Variants in SVEP1 observed in about 807,000 individuals in gnomAD.
SVEP1 encodes the protein sushi, von Willebrand factor type A, EGF and pentraxin domain-containing protein 1.
Under a neutral mutation model 367.3 loss-of-function variants are expected in SVEP1, and 164 were observed. That is an observed-to-expected ratio of 0.45 (90% confidence interval 0.39 to 0.51). SVEP1 has a LOEUF of 0.51. SVEP1 is among the 20% of genes least tolerant of loss of function. The pLI is 0.00. For synonymous variants in SVEP1, 1,666 were observed against 1,611.6 expected (o/e 1.03, Z -0.81); for missense variants, 4,117 against 4,425.3 (o/e 0.93, Z 1.98).
chr9:110,392,255 C>A (rs1339687125), intron 40 of SVEP1, among the ~76,000 whole-genome samples: 1 of 151,644 alleles, frequency 6.6e-6, no homozygotes, highest in Admixed American at 6.6e-5. Context: ...TCTATTTACT[C>A]CCCTCTGCCC....
chr9:110,452,223 GTT>G (rs1172106609), intron 22 of SVEP1, among the ~76,000 whole-genome samples: 1 of 152,042 alleles, frequency 6.6e-6, no homozygotes, highest in African/African-American at 2.4e-5. Context: ...ATGAACACTT[GTT>G]TTTTCACAGT....
intron 3 of SVEP1, among the ~76,000 whole-genome samples, chr9:110,516,525 T>G (rs1217712460): frequency 1.9e-5 from 2 of 106,950 alleles, no homozygotes; most frequent in Non-Finnish European, 4.7e-5. Context: ...ACTGAATTAT[T>G]TATATTACTG....
intron 40 of SVEP1, among the ~76,000 whole-genome samples, chr9:110,398,713 G>A (rs955195780): frequency 2.2e-4 from 34 of 152,174 alleles, no homozygotes; most frequent in African/African-American, 7.7e-4. Flanking sequence ...AAAAGAAGAC[G>A]TTTATGCAGC....
intron 1 of SVEP1, among the ~76,000 whole-genome samples, chr9:110,559,646 C>A (rs867217771): frequency 6.6e-6 from 1 of 151,770 alleles, no homozygotes; most frequent in African/African-American, 2.4e-5. Flanking sequence ...GACGGTTTGA[C>A]AAAGTGATCA....
chr9:110,459,010 G>C lies in SVEP1; in HGVS notation c.3426C>G (p.Ala1142=). 1 of 1,613,876 alleles carries C rather than the reference G, an allele frequency of 6.2e-7. No individual in the cohort carries two copies. Among genetic ancestry groups the C allele is most frequent in the Non-Finnish European group, 8.5e-7 (1 of 1,179,794 alleles). Residue 1142 remains alanine (A), a synonymous_variant, in exon 19 of 48, where the codon GCC becomes GCG. Coordinates refer to ENST00000374469, the MANE Select transcript of SVEP1 (RefSeq NM_153366.4). ...QPNAGKAFCL[A]CPFYGTTPFA... is the part of the protein sequence containing the mutation. Reference sequence around the variant, plus strand: ...ATGGGGTAGTTCCATAAAAGGGACAGGCCAGGCAGAAGGCCTTCCCTGCAT... The same window carrying C: ...ATGGGGTAGTTCCATAAAAGGGACACGCCAGGCAGAAGGCCTTCCCTGCAT...
intron 35 of SVEP1, among the ~76,000 whole-genome samples, chr9:110,428,205 C>A (rs978035875): frequency 6.6e-6 from 1 of 152,168 alleles, no homozygotes; most frequent in African/African-American, 2.4e-5. Flanking sequence ...CTGCCCCTGA[C>A]TCTGACCTCT....
At chr9:110,493,391 C>T (rs1829399714) in intron 8 of SVEP1, among the ~76,000 whole-genome samples, 1 of 152,082 alleles carries the variant, frequency 6.6e-6, no homozygotes, top group Non-Finnish European at 1.5e-5. Flanking sequence ...CAGCTGTGTT[C>T]ATTTCCTATT....
At position 110,417,124 on chromosome 9, in the gene SVEP1, G is replaced by A. The variant is rs139021034; in HGVS notation, c.5976-5389C>T. On this transcript the variant is annotated intron_variant, in intron 36 of 47. Coordinates refer to ENST00000374469, the MANE Select transcript of SVEP1 (RefSeq NM_153366.4). ...TGGAGGAGGAGGAGCCAAGATGGCC[G>A]AATAGGAACAGCTCCGGTCTACAGC... Among the ~76,000 whole-genome samples the A allele has an allele frequency of 1.7e-3, 264 of 151,986 alleles. 2 individuals are homozygous for A. The highest frequency in any genetic ancestry group is 0.014 in the Middle Eastern group (4 of 294).
chr9:110,379,086 T>C (rs1354719299), intron 44 of SVEP1, among the ~76,000 whole-genome samples: 2 of 152,158 alleles, frequency 1.3e-5, no homozygotes, highest in African/African-American at 4.8e-5. Flanking sequence ...ATTATAAAAG[T>C]GTAAGTTTTA....
At chr9:110,510,091 G>T (rs1176628570) in intron 5 of SVEP1, among the ~76,000 whole-genome samples, 1 of 152,214 alleles carries the variant, frequency 6.6e-6, no homozygotes, top group African/African-American at 2.4e-5. Context: ...GTTCCAGCTT[G>T]CCCTTGCTTG....
rs993293784 is a variant in SVEP1, at chr9:110,564,828, A to G, written c.531+14185T>C. ...TTATCTGTATTTAAATTATCAATCA[A>G]TGACAGTAGTCATATTTATATACAT... is the stretch of plus-strand genomic sequence containing the variant. On this transcript the variant is annotated intron_variant, in intron 1 of 47. Coordinates refer to ENST00000374469, the MANE Select transcript of SVEP1 (RefSeq NM_153366.4). Among the ~76,000 whole-genome samples the G allele has an allele frequency of 5.3e-5, 8 of 152,026 alleles. 1 individual carries two copies. In the East Asian group the frequency reaches 1.4e-3, roughly 26 times the overall value.
In SVEP1 at chr9:110,445,932, C is replaced by T; in HGVS notation, c.4368G>A (p.Trp1456Ter). ...PSLHALTCTF[W>*]MKSSDDMNYG... The stretch of plus-strand genomic sequence containing the variant: ...AGTTCATGTCGTCAGAGGATTTCAT[C>T]CAGAAGGTACAGGTTAGAGCATGGA... The change falls in exon 26 of 48, where the codon TGG becomes TGA. Residue 1456 changes from tryptophan to a stop codon, truncating the protein, a stop_gained. Coordinates refer to ENST00000374469, the MANE Select transcript of SVEP1 (RefSeq NM_153366.4). LOFTEE classifies it high-confidence loss of function. 1 of 1,613,916 alleles carries T rather than the reference C, an allele frequency of 6.2e-7. No homozygotes were observed. The highest frequency in any genetic ancestry group is 8.5e-7 in the Non-Finnish European group (1 of 1,179,844).
chr9:110,397,053 T>C (rs1445421107), intron 40 of SVEP1, among the ~76,000 whole-genome samples: 4 of 152,182 alleles, frequency 2.6e-5, no homozygotes, highest in Non-Finnish European at 4.4e-5. Flanking sequence ...AAGAGAATTT[T>C]AGATGAATAT....
chr9:110,524,016 A>T (rs1829910631), intron 3 of SVEP1, among the ~76,000 whole-genome samples: 1 of 152,170 alleles, frequency 6.6e-6, no homozygotes, highest in South Asian at 2.1e-4. Context: ...AAGATACTAT[A>T]TACTATGCAC....
rs187981163 is a variant in SVEP1 at position 110,541,181 on chromosome 9, G to C, written c.964+4934C>G. Reference sequence around the variant, plus strand: ...TATGGGCATTTCTAATATTCTACTTGTCTATGAAACTAACAAATATAACTC... The same window carrying C: ...TATGGGCATTTCTAATATTCTACTTCTCTATGAAACTAACAAATATAACTC... On this transcript the variant is annotated intron_variant, in intron 3 of 47. Transcript: ENST00000374469. 2.9e-4 allele frequency among the ~76,000 whole-genome samples: 44 copies of C among 152,188 alleles called. 1 individual carries two copies. The highest frequency in any genetic ancestry group is 2.8e-3 in the Admixed American group (42 of 15,268).
Position 110,499,042 on chromosome 9 carries a change from T to G in SVEP1, c.1680A>C (p.Lys560Asn). 1 of 1,613,020 alleles carries G rather than the reference T, an allele frequency of 6.2e-7. No individual in the cohort carries two copies. Among genetic ancestry groups the G allele is most frequent in the South Asian group, 1.1e-5 (1 of 90,916 alleles). Residue 560 changes from lysine to asparagine, a missense_variant and splice_region_variant, in exon 7 of 48, where the codon AAA (lysine) becomes AAC (asparagine). Lys to Asn is a moderately conservative substitution (Grantham distance 94). Transcript: ENST00000374469. ...WNVGVQAAVC[K>N]DVEAPQINCP... The stretch of plus-strand genomic sequence containing the variant: ...AGCCTGACTAGTGTAGAGACCTACC[T>G]TTACACACAGCTGCCTGAACTCCGA...
At position 110,407,102 on chromosome 9, in the gene SVEP1, C is replaced by T; in HGVS notation, c.8498G>A (p.Cys2833Tyr). 6.2e-7 allele frequency: 1 copy of T among 1,614,028 alleles called. No homozygotes were observed. The highest frequency in any genetic ancestry group is 8.5e-7 in the Non-Finnish European group (1 of 1,179,902). Residue 2833 changes from cysteine (C) to tyrosine (Y), a missense_variant, in exon 38 of 48, where the codon TGC (cysteine) becomes TAC (tyrosine). Coordinates refer to ENST00000374469, the MANE Select transcript of SVEP1 (RefSeq NM_153366.4). ...ATTGGCTGAGACTGGGGGTGAACTG[C>T]AGTCCACAGGAATGCAAATGGGCTC... ...EDEPICIPVD[C>Y]SSPPVSANGQ... is the part of the protein sequence containing the mutation.
At chr9:110,498,796 C>T (rs1829488533) in intron 7 of SVEP1, among the ~76,000 whole-genome samples, 1 of 152,090 alleles carries the variant, frequency 6.6e-6, no homozygotes, top group South Asian at 2.1e-4. Flanking sequence ...GGAAAACTTA[C>T]CTGATTTTCA....
intron 47 of SVEP1, 52 bp from the exon 48 acceptor site, chr9:110,366,612 T>C (rs768553383): frequency 2.0e-6 from 3 of 1,498,418 alleles, no homozygotes; most frequent in Non-Finnish European, 2.7e-6. Context: ...AAAATTGAAC[T>C]GAAGAGCTAA....
Sources: gnomAD v4.1 joint callset for allele counts (sites outside exome capture counted in the v4.1 genomes callset) on GRCh38, gnomAD v4.1.1 for gene constraint, MANE v1.5 for transcripts, NCBI Gene and HGNC (gene_info 2026-07-23, HGNC 2026-07-21) for gene names.